Variants in CCDC3 observed in about 807,000 individuals in gnomAD.
The protein encoded by CCDC3 is coiled-coil domain-containing protein 3.
In CCDC3, 24 loss-of-function variants were observed where a neutral mutation model predicts 21.4. That is an observed-to-expected ratio of 1.12 (90% CI 0.81 to 1.58). The LOEUF is 1.58. Among genes scored for constraint, CCDC3 ranks in the 40% most tolerant of loss-of-function variants. The pLI, the probability that CCDC3 is intolerant of heterozygous loss-of-function variation, is 0.00. For missense variants in CCDC3, 425 were observed against 360.9 expected, an observed-to-expected ratio of 1.18 and a Z score of -1.44; for synonymous variants, 186 against 166.0, an observed-to-expected ratio of 1.12 and a Z score of -0.93.
chr10:13,075,100 T>C (rs183783786), intron 3 of CCDC3, among the ~76,000 whole-genome samples: 2 of 152,324 alleles, frequency 1.3e-5, no homozygotes, highest in Admixed American at 6.5e-5. Context: ...GATGAACGAA[T>C]GGTTTCCCAC....
At chr10:13,093,995 T>C (rs1429298404) in intron 3 of CCDC3, among the ~76,000 whole-genome samples, 1 of 152,230 alleles carries the variant, frequency 6.6e-6, no homozygotes, top group East Asian at 1.9e-4. Flanking sequence ...GGCTAATTAA[T>C]ACTTAAACAG....
chr10:13,030,559 G>C (rs1271608362), intron 5 of CCDC3, among the ~76,000 whole-genome samples: 2 of 151,970 alleles, frequency 1.3e-5, no homozygotes, highest in Non-Finnish European at 2.9e-5. Flanking sequence ...ACTGAATAAA[G>C]ACTCAAGACC....
At chr10:13,003,733 G>A (rs563109527), upstream of CCDC3, among the ~76,000 whole-genome samples, 1 of 152,202 alleles carries the variant, frequency 6.6e-6, no homozygotes, top group African/African-American at 2.4e-5. Flanking sequence ...CCAAAAGACT[G>A]TAAGGCCCTC....
intron 3 of CCDC3, among the ~76,000 whole-genome samples, chr10:13,074,495 C>A (rs1209282139): frequency 6.6e-6 from 1 of 151,428 alleles, no homozygotes; most frequent in African/African-American, 2.4e-5. Flanking sequence ...GGAATCAAAT[C>A]TTTTCTTCTG....
At chr10:12,996,021 C>G (rs1272520814) in intron 2 of CCDC3, among the ~76,000 whole-genome samples, 1 of 152,130 alleles carries the variant, frequency 6.6e-6, no homozygotes, top group Non-Finnish European at 1.5e-5. Context: ...TGACATAAAT[C>G]TATTATATAG....
chr10:12,919,309 G>T (rs1198915133), intron 2 of CCDC3, among the ~76,000 whole-genome samples: 1 of 152,006 alleles, frequency 6.6e-6, no homozygotes, highest in Non-Finnish European at 1.5e-5. Flanking sequence ...AGTACTATTG[G>T]CCAGGCAAGG....
chr10:12,937,474 T>G (rs1281459519), intron 2 of CCDC3, among the ~76,000 whole-genome samples: 1 of 152,122 alleles, frequency 6.6e-6, no homozygotes, highest in African/African-American at 2.4e-5. Context: ...TTTTTTGCTT[T>G]TTTCTAAGAC....
intron 2 of CCDC3, among the ~76,000 whole-genome samples, chr10:12,917,709 A>T (rs1397306827): frequency 6.6e-6 from 1 of 152,234 alleles, no homozygotes; most frequent in Non-Finnish European, 1.5e-5. Context: ...TCTAAAATTT[A>T]CATGGTATAA....
chr10:13,099,770 T>C (rs895041156), upstream of CCDC3: 1 of 152,048 alleles, frequency 6.6e-6, no homozygotes, highest in African/African-American at 2.4e-5. Context: ...ATTCTCCTCT[T>C]TCTGTGGGCG....
intron 5 of CCDC3, among the ~76,000 whole-genome samples, chr10:13,024,585 A>AG (rs1410630627): frequency 6.6e-6 from 1 of 152,236 alleles, no homozygotes; most frequent in Non-Finnish European, 1.5e-5. Flanking sequence ...TGGAAAGACT[A>AG]GGAATGAAAA....
At chr10:12,982,121 C>CAAAAAAAAAA (rs71386135) in intron 2 of CCDC3, among the ~76,000 whole-genome samples, 3 of 33,252 alleles carry the variant, frequency 9.0e-5, no homozygotes, top group African/African-American at 4.0e-4. Flanking sequence ...GACTCTGTCT[C>CAAAAAAAAAA]AAAAAAAAAA....
intron 3 of CCDC3, among the ~76,000 whole-genome samples, chr10:13,091,380 G>A (rs961810459): frequency 6.6e-6 from 1 of 152,148 alleles, no homozygotes. Context: ...AGAGACCCCA[G>A]AGAGCTGCAT....
rs767794914 is a variant in CCDC3, at chr10:13,001,265, G to C, written c.306C>G (p.Thr102=). 4 of 1,599,304 alleles carry C rather than the reference G, an allele frequency of 2.5e-6. No homozygotes were observed. Among genetic ancestry groups the C allele is most frequent in the Non-Finnish European group, 3.4e-6 (4 of 1,174,172 alleles). ...AGTGGCACGAGAAGTAGCCCAGGCC[G>C]GTGAGGTTGAGCCTGGAGCCGGCGG... ...EVPAGSRLNL[T]GLGYFSCHSH... is the part of the protein sequence containing the mutation. Residue 102 remains threonine, a synonymous_variant, in exon 1 of 3, where the codon ACC becomes ACG. Coordinates refer to ENST00000378825, the MANE Select transcript of CCDC3 (RefSeq NM_031455.4).
chr10:12,968,588 C>A (rs1196362472), intron 2 of CCDC3, among the ~76,000 whole-genome samples: 1 of 152,064 alleles, frequency 6.6e-6, no homozygotes, highest in African/African-American at 2.4e-5. Flanking sequence ...TCAGAACAGT[C>A]TAATATTATA....
At chr10:13,056,931 G>A (rs1588409100) in intron 4 of CCDC3, among the ~76,000 whole-genome samples, 1 of 152,164 alleles carries the variant, frequency 6.6e-6, no homozygotes, top group Non-Finnish European at 1.5e-5. Context: ...GGCAAGACTG[G>A]AGTCAAAAGA....
At chr10:13,052,959 CACACACACACACACACACACACACACAT>C (rs1337914188) in intron 4 of CCDC3, among the ~76,000 whole-genome samples, 13 of 138,910 alleles carry the variant, frequency 9.4e-5, no homozygotes, top group African/African-American at 3.5e-4. Flanking sequence ...CACACACACA[CACACACACACACACACACACACACACAT>C]ACACACACAC....
chr10:12,920,132 T>G (rs567808247), intron 2 of CCDC3, among the ~76,000 whole-genome samples: 1 of 152,108 alleles, frequency 6.6e-6, no homozygotes, highest in Non-Finnish European at 1.5e-5. Flanking sequence ...TAATGGACTC[T>G]CAGTTCCATG....
intron 2 of CCDC3, among the ~76,000 whole-genome samples, chr10:12,948,209 A>C (rs1373556541): frequency 6.6e-6 from 1 of 152,180 alleles, no homozygotes; most frequent in African/African-American, 2.4e-5. Context: ...CCACCACATA[A>C]GATGTGCCTT....
intron 5 of CCDC3, among the ~76,000 whole-genome samples, chr10:13,019,545 C>A (rs1362233855): frequency 6.6e-6 from 1 of 152,180 alleles, no homozygotes; most frequent in Non-Finnish European, 1.5e-5. Flanking sequence ...AACTTCTACC[C>A]CTAAGTAAAG....
Sources: allele counts gnomAD v4.1 joint callset (sites outside exome capture counted in the v4.1 genomes callset), GRCh38; gene constraint gnomAD v4.1.1; transcripts MANE v1.5; gene names NCBI Gene and HGNC (gene_info 2026-07-23, HGNC 2026-07-21).